Variants in PHLPP1 observed in about 807,000 individuals in gnomAD.
PHLPP1 encodes PH domain and leucine rich repeat protein phosphatase 1.
A neutral mutation model predicts 117.2 loss-of-function variants in PHLPP1; 42 were observed. That is an observed-to-expected ratio of 0.36 (90% CI 0.28 to 0.46). PHLPP1 has a LOEUF of 0.46. Among genes scored for constraint, PHLPP1 ranks in the 20% least tolerant of loss-of-function variants. PHLPP1 has a pLI of 1.00. For missense variants in PHLPP1, 2,084 were observed against 2,241.9 expected (o/e 0.93, Z 1.42); for synonymous variants, 1,042 against 970.7 (o/e 1.07, Z -1.37).
chr18:62,816,878 C>G (rs1914295025), intron 1 of PHLPP1, among the ~76,000 whole-genome samples: 1 of 152,122 alleles, frequency 6.6e-6, no homozygotes. Context: ...TTCCAGGCCT[C>G]TTTGAAAATT....
rs1259899887 is a variant in PHLPP1, at chr18:62,716,530, C to T, written c.847C>T (p.Pro283Ser). 3 of 1,183,444 alleles carry T rather than the reference C, an allele frequency of 2.5e-6. No homozygotes were observed. Among genetic ancestry groups the T allele is most frequent in the African/African-American group, 1.6e-5 (1 of 62,200 alleles). 73.3% of individuals were successfully genotyped at this position (1,183,444 alleles called of 1,614,324 possible). Residue 283 changes from proline to serine, a missense_variant, in exon 1 of 17, where the codon CCC (proline) becomes TCC (serine). Pro to Ser is a moderately conservative substitution (Grantham distance 74, BLOSUM62 -1). Coordinates refer to ENST00000262719, the MANE Select transcript of PHLPP1 (RefSeq NM_194449.4). This position sits in a 1 kb window ranked among gnomAD's most constrained non-coding sequence, Gnocchi z 5.7. ...PPEPRDSEVP[P>S]ARSAPGAFGG... ...GGAGCCGCGGGACTCGGAGGTACCG[C>T]CCGCGAGGAGCGCGCCGGGTGCCTT... is the stretch of plus-strand genomic sequence containing the variant.
In PHLPP1 at chr18:62,905,187, A is replaced by C. The variant is rs750347956; in HGVS notation, c.2648-37A>C. 4 of 1,338,920 alleles carry C rather than the reference A, an allele frequency of 3.0e-6. No homozygotes were observed. In the East Asian group the frequency reaches 9.6e-5, roughly 32 times the overall value. 82.9% of individuals were successfully genotyped at this position (1,338,920 alleles called of 1,614,324 possible). On this transcript the variant is annotated intron_variant, in intron 7 of 16. Coordinates refer to ENST00000262719, the MANE Select transcript of PHLPP1 (RefSeq NM_194449.4). ...AAAAGAGTCTCTATGTCATTTGTAT[A>C]GTAATGTCTTTGTGGGGTTTTTTTT...
intron 4 of PHLPP1, among the ~76,000 whole-genome samples, chr18:62,866,069 C>T (rs1915762657): frequency 6.6e-6 from 1 of 152,098 alleles, no homozygotes; most frequent in African/African-American, 2.4e-5. Context: ...CTAATGCTCT[C>T]TTTTAAAGTT....
At chr18:62,918,066 C>T (rs1309038992) in intron 9 of PHLPP1, among the ~76,000 whole-genome samples, 2 of 151,258 alleles carry the variant, frequency 1.3e-5, no homozygotes, top group East Asian at 2.0e-4. Flanking sequence ...ATTAGCTAGG[C>T]ATGGTGGTGC....
At chr18:62,970,609 AC>A (rs1417964228) in intron 14 of PHLPP1, among the ~76,000 whole-genome samples, 2 of 152,294 alleles carry the variant, frequency 1.3e-5, no homozygotes, top group Non-Finnish European at 1.5e-5. Flanking sequence ...TACAGAAAAT[AC>A]AAAAATTAGC....
chr18:62,847,925 G>A (rs924396190), intron 3 of PHLPP1, among the ~76,000 whole-genome samples: 1 of 152,136 alleles, frequency 6.6e-6, no homozygotes, highest in Non-Finnish European at 1.5e-5. Context: ...AAGAAAATTC[G>A]ACTCCCTTTC....
At chr18:62,829,337 G>A (rs1486331280) in intron 1 of PHLPP1, among the ~76,000 whole-genome samples, 1 of 152,118 alleles carries the variant, frequency 6.6e-6, no homozygotes, top group Non-Finnish European at 1.5e-5. Context: ...GTAAGATGTT[G>A]GATGTTATTT....
chr18:62,783,229 CTT>C (rs71340114), intron 1 of PHLPP1, among the ~76,000 whole-genome samples: 4 of 106,398 alleles, frequency 3.8e-5, no homozygotes, highest in Admixed American at 9.5e-5. Flanking sequence ...TTTTTTTTTT[CTT>C]TTTTTTTTTT....
At chr18:62,761,746 G>A (rs192851089) in intron 1 of PHLPP1, among the ~76,000 whole-genome samples, 43 of 151,664 alleles carry the variant, frequency 2.8e-4, no homozygotes, top group African/African-American at 9.2e-4. Flanking sequence ...TAGAGGTACT[G>A]AATTTGATAC....
At chr18:62,846,509 C>A (rs1199442804) in intron 3 of PHLPP1, among the ~76,000 whole-genome samples, 1 of 151,362 alleles carries the variant, frequency 6.6e-6, no homozygotes, top group Non-Finnish European at 1.5e-5. Context: ...TGCAAAGATA[C>A]CCTGTAAAGA....
At chr18:62,722,131 A>G (rs1464977224) in intron 1 of PHLPP1, among the ~76,000 whole-genome samples, 1 of 152,220 alleles carries the variant, frequency 6.6e-6, no homozygotes, top group Non-Finnish European at 1.5e-5. Flanking sequence ...GATGTGCTAC[A>G]TACTATTAAT....
At chr18:62,762,134 C>T (rs1040373959) in intron 1 of PHLPP1, among the ~76,000 whole-genome samples, 4 of 151,548 alleles carry the variant, frequency 2.6e-5, no homozygotes, top group African/African-American at 9.7e-5. Flanking sequence ...AAATAGAATC[C>T]TGTTTTTGTT....
At chr18:62,772,236 G>A (rs1247653975) in intron 1 of PHLPP1, among the ~76,000 whole-genome samples, 4 of 152,020 alleles carry the variant, frequency 2.6e-5, no homozygotes, top group African/African-American at 9.7e-5. Context: ...GTAATGTTGT[G>A]GGTAATGCAA....
intron 10 of PHLPP1, among the ~76,000 whole-genome samples, chr18:62,923,189 G>A (rs1483998666): frequency 2.6e-5 from 4 of 152,188 alleles, no homozygotes; most frequent in African/African-American, 9.7e-5. Flanking sequence ...AACAGGGACC[G>A]TGGGGGACAA....
At chr18:62,933,522 C>T (rs971485878) in intron 10 of PHLPP1, among the ~76,000 whole-genome samples, 12 of 152,178 alleles carry the variant, frequency 7.9e-5, no homozygotes, top group African/African-American at 2.9e-4. Flanking sequence ...GGAAAGGACA[C>T]TCTATTCAGT....
At chr18:62,935,437 G>GT (rs1909941727) in intron 10 of PHLPP1, among the ~76,000 whole-genome samples, 1 of 152,182 alleles carries the variant, frequency 6.6e-6, no homozygotes, top group African/African-American at 2.4e-5. Flanking sequence ...TAAGATATCA[G>GT]TTTTTTGTAG....
At chr18:62,855,253 G>GT in intron 3 of PHLPP1, among the ~76,000 whole-genome samples, 3 of 152,232 alleles carry the variant, frequency 2.0e-5, no homozygotes, top group Admixed American at 2.0e-4. Context: ...TGCACATGTG[G>GT]TTTTTTGATT....
chr18:62,867,951 A>T (rs1359681967), intron 4 of PHLPP1, among the ~76,000 whole-genome samples: 1 of 151,876 alleles, frequency 6.6e-6, no homozygotes, highest in African/African-American at 2.4e-5. Context: ...AGCTGGGATT[A>T]CAGGCGCCCA....
intron 1 of PHLPP1, among the ~76,000 whole-genome samples, chr18:62,821,561 AAAAAAAAAAAG>A (rs1205045101): frequency 6.7e-6 from 1 of 149,676 alleles, no homozygotes; most frequent in African/African-American, 2.4e-5. Flanking sequence ...AAAAAAAAAA[AAAAAAAAAAAG>A]AAAAGAAAAA....
Sources: allele counts gnomAD v4.1 joint callset (sites outside exome capture counted in the v4.1 genomes callset), GRCh38; gene constraint gnomAD v4.1.1; non-coding constraint Gnocchi (gnomAD v3.1); transcripts MANE v1.5; gene names NCBI Gene and HGNC (gene_info 2026-07-23, HGNC 2026-07-21).